ERBIN: variants seen among roughly 807,000 people sequenced by gnomAD.
ERBIN encodes erbb2 interacting protein, also known as densin-180-like protein.
ERBIN carries 60 observed loss-of-function variants against 158.4 expected under a neutral mutation model. The ratio of observed to expected loss-of-function variants is 0.38; its 90% CI spans 0.31 to 0.47. The LOEUF (loss-of-function observed/expected upper bound fraction) is 0.47. ERBIN is among the 20% of genes least tolerant of loss of function. ERBIN has a pLI of 0.99. For synonymous variants in ERBIN, 594 were observed against 557.2 expected (o/e 1.07, Z -0.93); for missense variants, 1,610 against 1,648.0 (o/e 0.98, Z 0.40).
At chr5:65,954,657 G>C (rs1183751247) in intron 1 of ERBIN, among the ~76,000 whole-genome samples, 1 of 151,898 alleles carries the variant, frequency 6.6e-6, no homozygotes, top group Non-Finnish European at 1.5e-5. Context: ...TACTACAAAT[G>C]TGATTATTTA....
At chr5:66,037,721 G>A (rs918423453) in intron 14 of ERBIN, among the ~76,000 whole-genome samples, 1 of 152,086 alleles carries the variant, frequency 6.6e-6, no homozygotes, top group African/African-American at 2.4e-5. Flanking sequence ...TTATTGGTAG[G>A]ATTTTAGGTG....
At chr5:66,035,436 C>T (rs935352783) in intron 14 of ERBIN, among the ~76,000 whole-genome samples, 2 of 152,186 alleles carry the variant, frequency 1.3e-5, no homozygotes, top group Admixed American at 1.3e-4. Flanking sequence ...TACTGTTTTT[C>T]CCTGTACTTC....
At chr5:65,976,520 CTTTTTTT>C (rs778638629) in intron 1 of ERBIN, among the ~76,000 whole-genome samples, 34 of 138,056 alleles carry the variant, frequency 2.5e-4, no homozygotes, top group African/African-American at 4.5e-4. Context: ...TTTCTTTTTT[CTTTTTTT>C]TTTTTTTTAT....
chr5:66,006,731 A>G (rs952635630), intron 4 of ERBIN, among the ~76,000 whole-genome samples: 1 of 152,164 alleles, frequency 6.6e-6, no homozygotes, highest in Non-Finnish European at 1.5e-5. Context: ...TAGGCAAAGC[A>G]TATGAACAGA....
At chr5:65,931,819 CTTTTTTT>C (rs36048820) in intron 1 of ERBIN, among the ~76,000 whole-genome samples, 3 of 131,938 alleles carry the variant, frequency 2.3e-5, no homozygotes, top group Non-Finnish European at 4.8e-5. Flanking sequence ...TCTTTTCTTT[CTTTTTTT>C]TTTTTTTTTT....
At chr5:66,058,857 A>G (rs1759924394) in intron 21 of ERBIN, among the ~76,000 whole-genome samples, 1 of 151,852 alleles carries the variant, frequency 6.6e-6, no homozygotes, top group African/African-American at 2.4e-5. Context: ...GATATGCGGC[A>G]TTATTTCTGA....
chr5:65,957,533 G>A (rs1158816022), intron 1 of ERBIN, among the ~76,000 whole-genome samples: 1 of 151,842 alleles, frequency 6.6e-6, no homozygotes, highest in Non-Finnish European at 1.5e-5. Flanking sequence ...CGGGTTGGGG[G>A]TAAGGTCATA....
At chr5:65,967,565 G>GTGTA (rs1748796387) in intron 1 of ERBIN, among the ~76,000 whole-genome samples, 1 of 152,172 alleles carries the variant, frequency 6.6e-6, no homozygotes, top group Non-Finnish European at 1.5e-5. Context: ...TAGCCTAGAG[G>GTGTA]TGTAGTAGGT....
At chr5:66,075,849 T>C (rs1268206016) in intron 23 of ERBIN, among the ~76,000 whole-genome samples, 1 of 152,106 alleles carries the variant, frequency 6.6e-6, no homozygotes, top group Non-Finnish European at 1.5e-5. Flanking sequence ...CTTTGAAGCC[T>C]TTAAACAGAT....
intron 11 of ERBIN, 86 bp from the exon 12 acceptor site, chr5:66,025,750 TTTCAAAGTCAAG>T: frequency 9.8e-7 from 1 of 1,024,952 alleles, no homozygotes; most frequent in Non-Finnish European, 1.4e-6. Flanking sequence ...TTCACTAGGT[TTTCAAAGTCAAG>T]TTCAAATGTT....
At chr5:66,021,904 AG>A (rs1247204650) in intron 8 of ERBIN, among the ~76,000 whole-genome samples, 1 of 152,118 alleles carries the variant, frequency 6.6e-6, no homozygotes, top group Non-Finnish European at 1.5e-5. Context: ...CTAAAAGGAA[AG>A]GAGTAGTGTT....
At chr5:66,069,168 T>A (rs1184688730) in intron 21 of ERBIN, 1 of 689,214 alleles carries the variant, frequency 1.5e-6, no homozygotes, top group Non-Finnish European at 2.2e-6. Flanking sequence ...TAGTTCTAAA[T>A]CTTTCTTCAG....
Position 66,061,346 on chromosome 5 carries a change from C to A in ERBIN, c.3633+6395C>A, listed in dbSNP as rs941116191. 3.0e-4 allele frequency among the ~76,000 whole-genome samples: 46 copies of A among 151,958 alleles called. 1 individual carries two copies. The highest frequency in any genetic ancestry group is 3.3e-4 in the Admixed American group (5 of 15,264). On this transcript the variant is annotated intron_variant, in intron 21 of 25. Transcript: ENST00000284037. ...TTTGTTGGTTTAAAGTCTGTTTTAT[C>A]GGAGACTAGGATTGCAACCCCTGCC...
intron 1 of ERBIN, among the ~76,000 whole-genome samples, chr5:65,968,537 TA>T (rs779562320): frequency 1.3e-5 from 2 of 152,202 alleles, no homozygotes; most frequent in Non-Finnish European, 2.9e-5. Context: ...TTACTTGCAT[TA>T]TTACTTTTAT....
chr5:66,063,562 G>A (rs1008481856), intron 21 of ERBIN, among the ~76,000 whole-genome samples: 3 of 152,180 alleles, frequency 2.0e-5, no homozygotes, highest in Admixed American at 6.5e-5. Context: ...CCCACTGTCC[G>A]GCACTCCCCA....
At chr5:65,977,249 A>AC (rs1257279058) in intron 1 of ERBIN, among the ~76,000 whole-genome samples, 68 of 110,848 alleles carry the variant, frequency 6.1e-4, no homozygotes, top group African/African-American at 2.7e-3. Flanking sequence ...CGGGGGGCTG[A>AC]CCCCCCCACC....
rs180803734 is a variant in ERBIN, at chr5:65,927,679, T to G, written c.-58+873T>G. Among the ~76,000 whole-genome samples the G allele has an allele frequency of 2.8e-3, 419 of 152,338 alleles. 3 individuals are homozygous for G. Among genetic ancestry groups the G allele is most frequent in the African/African-American group, 9.6e-3 (397 of 41,562 alleles). On this transcript the variant is annotated intron_variant, in intron 1 of 25. Transcript: ENST00000284037. ...TGATTGTGATAAAAAGCTGTGCTTTTCGAGTAGTATGGTCTTTACATTTTT... is the reference window on the plus strand; with the variant it reads ...TGATTGTGATAAAAAGCTGTGCTTTGCGAGTAGTATGGTCTTTACATTTTT...
At chr5:65,952,316 C>T (rs1746605204) in intron 1 of ERBIN, among the ~76,000 whole-genome samples, 1 of 152,050 alleles carries the variant, frequency 6.6e-6, no homozygotes, top group Admixed American at 6.6e-5. Context: ...TCTGGAATAA[C>T]AGGTTAAATA....
Position 66,044,228 on chromosome 5 carries a change from A to G in ERBIN, c.1520A>G (p.Asp507Gly). 6.2e-7 allele frequency: 1 copy of G among 1,612,828 alleles called. No individual in the cohort carries two copies. The highest frequency in any genetic ancestry group is 8.5e-7 in the Non-Finnish European group (1 of 1,179,428). ...TVQTIVHRLK[D>G]EETNEDSGRD... ...CAAACCATTGTACATAGATTAAAAGATGAAGAGACCAATGAAGACTCAGGA... is the reference window on the plus strand; with the variant it reads ...CAAACCATTGTACATAGATTAAAAGGTGAAGAGACCAATGAAGACTCAGGA... The change falls in exon 17 of 26, where the codon GAT becomes GGT. Residue 507 changes from aspartate (D) to glycine (G), a missense_variant. Asp to Gly is a moderately conservative substitution (Grantham distance 94). Coordinates refer to ENST00000284037, the MANE Select transcript of ERBIN (RefSeq NM_001253697.2).
Sources: gnomAD v4.1 joint callset for allele counts (sites outside exome capture counted in the v4.1 genomes callset) on GRCh38, gnomAD v4.1.1 for gene constraint, MANE v1.5 for transcripts, NCBI Gene and HGNC (gene_info 2026-07-23, HGNC 2026-07-21) for gene names.